ITGA8: variants seen among roughly 807,000 people sequenced by gnomAD.
ITGA8 encodes the protein integrin alpha-8.
A neutral mutation model predicts 142.3 loss-of-function variants in ITGA8; 91 were observed. The ratio of observed to expected loss-of-function variants is 0.64; its 90% confidence interval spans 0.54 to 0.76. The LOEUF (loss-of-function observed/expected upper bound fraction) is 0.76. Ranked by LOEUF, ITGA8 falls within the 30% of genes least tolerant of loss-of-function variation. The probability of loss-of-function intolerance (pLI) is 0.00; values close to 1 mark genes in which losing one functional copy is unlikely to be tolerated. For synonymous variants in ITGA8, 505 were observed against 485.2 expected, an observed-to-expected ratio of 1.04 and a Z score of -0.54; for missense variants, 1,406 against 1,327.7, an observed-to-expected ratio of 1.06 and a Z score of -0.92.
Position 15,610,125 on chromosome 10 carries a change from T to G in ITGA8, c.1554-1835A>C, listed in dbSNP as rs139946671. Among the ~76,000 whole-genome samples the G allele has an allele frequency of 4.4e-3, 664 of 152,270 alleles. 3 individuals are homozygous for G. The highest frequency in any genetic ancestry group is 7.7e-3 in the Non-Finnish European group (526 of 68,028). ...TACAAGTGTAATATCACTGCTACAA[T>G]GTACTGAATTCTCAATAATAGCACT... On this transcript the variant is annotated intron_variant, in intron 15 of 29. Transcript: ENST00000378076.
At chr10:15,535,131 T>C (rs7068785) in intron 27 of ITGA8, among the ~76,000 whole-genome samples, 30,143 of 152,096 alleles carry the variant, frequency 0.2, 4,038 homozygotes, top group African/African-American at 0.38. Flanking sequence ...GGCCCACCGG[T>C]GCTGTGCTGG....
chr10:15,529,913 G>C (rs1833255250), intron 28 of ITGA8, among the ~76,000 whole-genome samples: 1 of 152,214 alleles, frequency 6.6e-6, no homozygotes, highest in Non-Finnish European at 1.5e-5. Flanking sequence ...GTAGTTCTAA[G>C]AACCTCCCAG....
intron 28 of ITGA8, among the ~76,000 whole-genome samples, chr10:15,525,645 CAAAAAAAAAA>C (rs374326483): frequency 1.6e-5 from 1 of 63,796 alleles, no homozygotes; most frequent in South Asian, 9.3e-4. Flanking sequence ...AACTCCATCT[CAAAAAAAAAA>C]AAAAAAAAAA....
chr10:15,643,408 T>C (rs1353934601), intron 13 of ITGA8, among the ~76,000 whole-genome samples: 5 of 151,922 alleles, frequency 3.3e-5, no homozygotes, highest in Non-Finnish European at 7.4e-5. Context: ...GCCTCTAGAG[T>C]AACTGGGACT....
At chr10:15,717,812 A>G (rs1305767946) in intron 2 of ITGA8, among the ~76,000 whole-genome samples, 1 of 152,256 alleles carries the variant, frequency 6.6e-6, no homozygotes. Context: ...AACATCATCC[A>G]GCCAATTTCA....
rs768707363 is a variant in ITGA8 at position 15,644,235 on chromosome 10, T to G, written c.1208-14A>C. The G allele has an allele frequency of 3.1e-6, 5 of 1,609,646 alleles. No homozygotes were observed. Among genetic ancestry groups the G allele is most frequent in the Admixed American group, 3.4e-5 (2 of 59,650 alleles). Reference sequence around the variant, plus strand: ...CGATGGCAATGTCTAAAAACAGACATAAAACATGTTTTATGTGTATATGTA... The same window carrying G: ...CGATGGCAATGTCTAAAAACAGACAGAAAACATGTTTTATGTGTATATGTA... On this transcript the variant is annotated splice_polypyrimidine_tract_variant and intron_variant, in intron 12 of 29. Coordinates refer to ENST00000378076, the MANE Select transcript of ITGA8 (RefSeq NM_003638.3).
intron 20 of ITGA8, among the ~76,000 whole-genome samples, chr10:15,599,302 G>C (rs1833061683): frequency 6.6e-6 from 1 of 151,596 alleles, no homozygotes; most frequent in Non-Finnish European, 1.5e-5. Context: ...GCAGTTTCTG[G>C]GACATTCTTG....
intron 25 of ITGA8, among the ~76,000 whole-genome samples, chr10:15,566,436 C>T (rs1478059660): frequency 6.6e-6 from 1 of 152,150 alleles, no homozygotes; most frequent in Non-Finnish European, 1.5e-5. Context: ...CGGTCTTCCT[C>T]TCCTAGGTAC....
At chr10:15,642,724 G>C (rs1380179274) in intron 13 of ITGA8, among the ~76,000 whole-genome samples, 1 of 152,152 alleles carries the variant, frequency 6.6e-6, no homozygotes, top group Non-Finnish European at 1.5e-5. Flanking sequence ...AGCCCACTAT[G>C]ACGTCTCCAT....
At chr10:15,704,078 G>A (rs1228382212) in intron 2 of ITGA8, among the ~76,000 whole-genome samples, 2 of 152,158 alleles carry the variant, frequency 1.3e-5, no homozygotes, top group Admixed American at 6.5e-5. Flanking sequence ...ATGCATCCTT[G>A]ACGATCACCA....
chr10:15,628,193 G>T (rs1833619732), intron 13 of ITGA8, among the ~76,000 whole-genome samples: 1 of 151,866 alleles, frequency 6.6e-6, no homozygotes, highest in African/African-American at 2.4e-5. Context: ...ATATAATCAA[G>T]AAGTTAACAG....
intron 8 of ITGA8, among the ~76,000 whole-genome samples, chr10:15,662,798 T>C (rs1183513805): frequency 1.3e-5 from 2 of 152,216 alleles, no homozygotes; most frequent in African/African-American, 4.8e-5. Flanking sequence ...TGGTGAGTAG[T>C]ACAAGTCAAA....
Position 15,567,045 on chromosome 10 carries a change from C to T in ITGA8, c.2637+5166G>A, listed in dbSNP as rs144494470. Among the ~76,000 whole-genome samples, 844 of 150,612 alleles carry T rather than the reference C, an allele frequency of 5.6e-3. 6 individuals are homozygous for T. The highest frequency in any genetic ancestry group is 0.02 in the African/African-American group (819 of 41,124). On this transcript the variant is annotated intron_variant, in intron 25 of 29. Transcript: ENST00000378076. ...TGGTGGCGGGTGCCAATCCTAGCTA[C>T]TCAGGAGGTTGAGGCAGGAGAATGA...
chr10:15,661,089 C>T (rs1257323754), intron 8 of ITGA8, among the ~76,000 whole-genome samples, 167 bp from the exon 9 acceptor site: 3 of 152,196 alleles, frequency 2.0e-5, no homozygotes, highest in African/African-American at 7.2e-5. Flanking sequence ...TGTCTGTGGC[C>T]TGTTGGGAGC....
chr10:15,535,279 CG>C (rs1332662644), intron 27 of ITGA8, among the ~76,000 whole-genome samples: 1 of 152,174 alleles, frequency 6.6e-6, no homozygotes, highest in Admixed American at 6.5e-5. Context: ...CCCTGCTCCA[CG>C]GTACCCAGTC....
chr10:15,597,184 C>T, intron 21 of ITGA8, 23 bp downstream of exon 21: 1 of 1,564,700 alleles, frequency 6.4e-7, no homozygotes, highest in Non-Finnish European at 8.8e-7. Context: ...GGAAATCAGT[C>T]AGTATTTCTG....
chr10:15,619,643 A>C (rs542472467), intron 13 of ITGA8, among the ~76,000 whole-genome samples: 13 of 152,348 alleles, frequency 8.5e-5, no homozygotes, highest in Non-Finnish European at 1.8e-4. Flanking sequence ...TCAGAATTTC[A>C]ATTTTTCAAC....
intron 21 of ITGA8, among the ~76,000 whole-genome samples, chr10:15,595,671 C>T (rs1322161133): frequency 2.0e-5 from 3 of 152,196 alleles, no homozygotes; most frequent in Non-Finnish European, 4.4e-5. Flanking sequence ...ACTTCTAATA[C>T]TGAAAAAGGA....
chr10:15,611,922 G>A (rs1364342473), intron 15 of ITGA8, among the ~76,000 whole-genome samples: 2 of 152,044 alleles, frequency 1.3e-5, no homozygotes, highest in Non-Finnish European at 2.9e-5. Flanking sequence ...TGTACCACAT[G>A]TGCTTAAAGG....
Sources: allele counts gnomAD v4.1 joint callset (sites outside exome capture counted in the v4.1 genomes callset), GRCh38; gene constraint gnomAD v4.1.1; transcripts MANE v1.5; gene names NCBI Gene and HGNC (gene_info 2026-07-23, HGNC 2026-07-21).